PDZRN4: variants seen among roughly 807,000 people sequenced by gnomAD.
PDZRN4 encodes PDZ domain containing ring finger 4, also known as PDZ domain-containing RING finger protein 4.
A neutral mutation model predicts 99.0 loss-of-function variants in PDZRN4; 70 were observed. The ratio of observed to expected loss-of-function variants is 0.71; its 90% CI spans 0.58 to 0.86. The LOEUF is 0.86. PDZRN4 is among the 40% of genes least tolerant of loss of function. The pLI, the probability that PDZRN4 is intolerant of heterozygous loss-of-function variation, is 0.00. For synonymous variants in PDZRN4, 551 were observed against 501.6 expected (o/e 1.10, Z -1.32); for missense variants, 1,474 against 1,331.2 (o/e 1.11, Z -1.67).
chr12:41,340,865 A>T (rs886286187), intron 3 of PDZRN4, among the ~76,000 whole-genome samples: 3 of 151,896 alleles, frequency 2.0e-5, no homozygotes, highest in African/African-American at 7.2e-5. Flanking sequence ...TTCAAAACTC[A>T]TGAGGCCATA....
chr12:41,279,146 T>A lies in PDZRN4; in HGVS notation c.843+84958T>A, dbSNP rs140599612. ...ATACAGTGTTTTTCAAATGTTTGGG[T>A]TGGTAACATTTGAGAATCAATGCTC... On this transcript the variant is annotated intron_variant, in intron 3 of 9. Transcript: ENST00000402685. Among the ~76,000 whole-genome samples the A allele has an allele frequency of 4.7e-3, 710 of 152,292 alleles. 8 individuals are homozygous for A. Among genetic ancestry groups the A allele is most frequent in the African/African-American group, 0.016 (663 of 41,556 alleles).
chr12:41,492,549 A>T (rs1050726100), intron 3 of PDZRN4, among the ~76,000 whole-genome samples: 1 of 152,070 alleles, frequency 6.6e-6, no homozygotes, highest in Non-Finnish European at 1.5e-5. Context: ...AGGTTGTAAG[A>T]GTTGAAAAGC....
rs148149397 is a variant in PDZRN4, at chr12:41,349,763, T to G, written c.843+155575T>G. Among the ~76,000 whole-genome samples, 35 of 152,068 alleles carry G rather than the reference T, an allele frequency of 2.3e-4. No homozygotes were observed. The Middle Eastern group carries it at 0.01, about 44-fold the overall frequency. On this transcript the variant is annotated intron_variant, in intron 3 of 9. Transcript: ENST00000402685. ...TTGTATTTATGTATTAAATACATAATTACAATGAGGCATTTCATAACAGAG... is the reference window on the plus strand; with the variant it reads ...TTGTATTTATGTATTAAATACATAAGTACAATGAGGCATTTCATAACAGAG...
chr12:41,289,515 G>A (rs935520524), intron 3 of PDZRN4, among the ~76,000 whole-genome samples: 1 of 152,186 alleles, frequency 6.6e-6, no homozygotes, highest in Non-Finnish European at 1.5e-5. Context: ...ACTATTAGCA[G>A]CAGCACAACA....
intron 7 of PDZRN4, among the ~76,000 whole-genome samples, chr12:41,563,281 T>C (rs1341827613): frequency 6.6e-6 from 1 of 152,162 alleles, no homozygotes; most frequent in Non-Finnish European, 1.5e-5. Context: ...GTTAATTGTG[T>C]TGCTAGATGT....
chr12:41,201,453 T>C (rs1301555515), intron 3 of PDZRN4, among the ~76,000 whole-genome samples: 1 of 152,116 alleles, frequency 6.6e-6, no homozygotes, highest in Non-Finnish European at 1.5e-5. Context: ...GATGTTCTTT[T>C]CCCCCAACAA....
chr12:41,561,968 G>A (rs1480667094), intron 7 of PDZRN4, among the ~76,000 whole-genome samples: 1 of 152,082 alleles, frequency 6.6e-6, no homozygotes, highest in East Asian at 1.9e-4. Flanking sequence ...AGGCCTTGGA[G>A]TCAGTACACA....
intron 3 of PDZRN4, among the ~76,000 whole-genome samples, chr12:41,287,298 A>G (rs1251846125): frequency 6.6e-6 from 1 of 152,222 alleles, no homozygotes. Context: ...TCAGATTTCT[A>G]ACTTGTAAAA....
In PDZRN4 at chr12:41,552,676, T is replaced by A. The variant is rs768496437; in HGVS notation, c.1224T>A (p.Val408=). 16 of 1,613,622 alleles carry A rather than the reference T, an allele frequency of 9.9e-6. No individual in the cohort carries two copies. Among genetic ancestry groups the A allele is most frequent in the African/African-American group, 1.3e-5 (1 of 74,914 alleles). ...TTCAGGAGGTCGAGTTGTGTCGTGT[T>A]AGCAGTCAAGAGAAGCTGGGCCTGA... ...FEYEEVELCR[V]SSQEKLGLTV... Residue 408 remains valine, a synonymous_variant, in exon 6 of 10, where the codon GTT becomes GTA. Transcript: ENST00000402685.
intron 3 of PDZRN4, among the ~76,000 whole-genome samples, chr12:41,306,504 T>G (rs1951570386): frequency 6.6e-6 from 1 of 152,190 alleles, no homozygotes; most frequent in Admixed American, 6.5e-5. Context: ...GCTGGCAATG[T>G]TTCGACTGGG....
intron 3 of PDZRN4, among the ~76,000 whole-genome samples, chr12:41,472,923 GT>G (rs1953007128): frequency 6.6e-6 from 1 of 152,154 alleles, no homozygotes; most frequent in South Asian, 2.1e-4. Context: ...CAACCAAAAT[GT>G]TAAAGTATTA....
intron 3 of PDZRN4, among the ~76,000 whole-genome samples, chr12:41,209,778 G>C (rs1341416641): frequency 6.8e-6 from 1 of 148,144 alleles, no homozygotes; most frequent in Non-Finnish European, 1.5e-5. Context: ...CCAAGTCTTT[G>C]CTATTGGGAA....
chr12:41,252,843 T>G lies in PDZRN4; in HGVS notation c.843+58655T>G, dbSNP rs567655626. 9.5e-4 allele frequency among the ~76,000 whole-genome samples: 145 copies of G among 152,262 alleles called. 1 individual carries two copies. The highest frequency in any genetic ancestry group is 3.4e-3 in the Middle Eastern group (1 of 294). On this transcript the variant is annotated intron_variant, in intron 3 of 9. Coordinates refer to ENST00000402685, the MANE Select transcript of PDZRN4 (RefSeq NM_001164595.2). ...TACAATAAATGAACATTAGGAAATA[T>G]TTTGAGGTGCTGAAAATGTTTTAGA... is the stretch of plus-strand genomic sequence containing the variant.
At chr12:41,228,050 T>A (rs1040134979) in intron 3 of PDZRN4, among the ~76,000 whole-genome samples, 2 of 152,026 alleles carry the variant, frequency 1.3e-5, no homozygotes, top group African/African-American at 4.8e-5. Flanking sequence ...ACAGTAGAAA[T>A]AAAGTGTTAC....
chr12:41,483,272 A>G (rs1428560131), intron 3 of PDZRN4, among the ~76,000 whole-genome samples: 1 of 152,094 alleles, frequency 6.6e-6, no homozygotes, highest in Non-Finnish European at 1.5e-5. Flanking sequence ...ATTCATTTTC[A>G]TTCTGTCTAT....
At chr12:41,480,800 C>T (rs1044970420) in intron 3 of PDZRN4, among the ~76,000 whole-genome samples, 1 of 151,890 alleles carries the variant, frequency 6.6e-6, no homozygotes, top group African/African-American at 2.4e-5. Context: ...AAATGTGAGT[C>T]TAGGTGAATA....
chr12:41,389,126 A>G (rs1327674261), intron 3 of PDZRN4, among the ~76,000 whole-genome samples: 3 of 152,168 alleles, frequency 2.0e-5, no homozygotes, highest in East Asian at 3.8e-4. Flanking sequence ...AGGAGAAAAT[A>G]AATGTTAGTT....
At chr12:41,474,346 T>A (rs1338661476) in intron 3 of PDZRN4, among the ~76,000 whole-genome samples, 1 of 152,230 alleles carries the variant, frequency 6.6e-6, no homozygotes, top group Admixed American at 6.5e-5. Flanking sequence ...TTATTTTTAA[T>A]CTCTCATAAA....
chr12:41,189,656 C>A (rs973451399), intron 1 of PDZRN4, among the ~76,000 whole-genome samples: 2 of 152,174 alleles, frequency 1.3e-5, no homozygotes, highest in East Asian at 1.9e-4. Context: ...CTGTGAGGCA[C>A]GTTGGGGCCA....
Sources: gnomAD v4.1 joint callset for allele counts (sites outside exome capture counted in the v4.1 genomes callset) on GRCh38, gnomAD v4.1.1 for gene constraint, MANE v1.5 for transcripts, NCBI Gene and HGNC (gene_info 2026-07-23, HGNC 2026-07-21) for gene names.